ASCC3: variants seen among roughly 807,000 people sequenced by gnomAD.
The protein encoded by ASCC3 is activating signal cointegrator 1 complex subunit 3.
Under a neutral mutation model 256.3 loss-of-function variants are expected in ASCC3, and 158 were observed. The ratio of observed to expected loss-of-function variants is 0.62; its 90% CI spans 0.54 to 0.70. The LOEUF (loss-of-function observed/expected upper bound fraction) is 0.70. Ranked by LOEUF, ASCC3 falls within the 30% of genes least tolerant of loss-of-function variation. The probability of loss-of-function intolerance (pLI) is 0.00; values close to 1 mark genes in which losing one functional copy is unlikely to be tolerated. For synonymous variants in ASCC3, 948 were observed against 883.4 expected (o/e 1.07, Z -1.30); for missense variants, 2,259 against 2,626.0 (o/e 0.86, Z 3.05).
intron 25 of ASCC3, among the ~76,000 whole-genome samples, chr6:100,634,253 C>G (rs1774710334): frequency 6.6e-6 from 1 of 152,040 alleles, no homozygotes; most frequent in Admixed American, 6.6e-5. Context: ...GTGTTGGGAA[C>G]CTTCAATATC....
At chr6:100,744,724 A>G (rs1050236504) in intron 10 of ASCC3, among the ~76,000 whole-genome samples, 1 of 152,176 alleles carries the variant, frequency 6.6e-6, no homozygotes, top group Non-Finnish European at 1.5e-5. Flanking sequence ...TGATTTTTCC[A>G]AAGGGAAAAA....
intron 36 of ASCC3, among the ~76,000 whole-genome samples, chr6:100,552,160 A>C (rs1234748007): frequency 6.6e-6 from 1 of 151,624 alleles, no homozygotes; most frequent in Non-Finnish European, 1.5e-5. Context: ...AAATAATAGT[A>C]ATAATAATGA....
chr6:100,567,836 T>C (rs184862274), intron 36 of ASCC3, among the ~76,000 whole-genome samples: 2 of 152,204 alleles, frequency 1.3e-5, no homozygotes, highest in African/African-American at 4.8e-5. Context: ...TTTGCTACTG[T>C]GAGTAATGCT....
intron 20 of ASCC3, 47 bp from the exon 21 acceptor site, chr6:100,647,498 T>C: frequency 6.7e-7 from 1 of 1,502,668 alleles, no homozygotes; most frequent in Non-Finnish European, 9.3e-7. Flanking sequence ...AATGTGCTTT[T>C]AAATTTGTCA....
At chr6:100,852,859 A>T (rs1289902190) in intron 3 of ASCC3, among the ~76,000 whole-genome samples, 2 of 152,154 alleles carry the variant, frequency 1.3e-5, no homozygotes, top group Non-Finnish European at 2.9e-5. Flanking sequence ...ACTGTAATAT[A>T]TTTAAAAGGA....
intron 30 of ASCC3, among the ~76,000 whole-genome samples, chr6:100,612,272 G>A (rs1164970127): frequency 2.0e-5 from 3 of 151,772 alleles, no homozygotes; most frequent in South Asian, 2.1e-4. Context: ...TGATGACAAC[G>A]TTGGCACCAA....
intron 25 of ASCC3, among the ~76,000 whole-genome samples, chr6:100,635,470 T>A (rs1199410003): frequency 6.6e-6 from 1 of 152,142 alleles, no homozygotes; most frequent in African/African-American, 2.4e-5. Context: ...TCAACAGGTA[T>A]AAAGTTTCAT....
At chr6:100,624,493 T>G (rs1329839334) in intron 30 of ASCC3, among the ~76,000 whole-genome samples, 1 of 152,032 alleles carries the variant, frequency 6.6e-6, no homozygotes, top group Non-Finnish European at 1.5e-5. Context: ...GTAGTAAAAC[T>G]GTTACTCTCA....
chr6:100,737,142 G>A (rs1050032083), intron 10 of ASCC3, among the ~76,000 whole-genome samples: 11 of 69,448 alleles, frequency 1.6e-4, no homozygotes, highest in Non-Finnish European at 2.5e-4. Context: ...GTGAGACTCC[G>A]TCTATTTAAA....
intron 10 of ASCC3, among the ~76,000 whole-genome samples, chr6:100,738,709 TG>T (rs1780294980): frequency 6.6e-6 from 1 of 152,196 alleles, no homozygotes; most frequent in South Asian, 2.1e-4. Flanking sequence ...ACTTCTTTTT[TG>T]TTCCACATGA....
chr6:100,547,343 A>G (rs1769023062), intron 36 of ASCC3, among the ~76,000 whole-genome samples: 1 of 152,016 alleles, frequency 6.6e-6, no homozygotes, highest in South Asian at 2.1e-4. Context: ...CAGTTAAAAC[A>G]TGACCCATAC....
chr6:100,643,912 T>TAAAACATA, intron 23 of ASCC3, 119 bp downstream of exon 23: 1 of 692,338 alleles, frequency 1.4e-6, no homozygotes, highest in East Asian at 2.8e-5. Context: ...AATAGGAAAC[T>TAAAACATA]AAAACATAAA....
chr6:100,542,074 A>G (rs936735112), intron 36 of ASCC3, among the ~76,000 whole-genome samples: 3 of 152,198 alleles, frequency 2.0e-5, no homozygotes, highest in African/African-American at 7.2e-5. Flanking sequence ...AAGTGGCCTA[A>G]TGCACAGTGT....
chr6:100,725,483 A>T, intron 11 of ASCC3, 56 bp downstream of exon 11: 6 of 1,556,996 alleles, frequency 3.9e-6, no homozygotes, highest in Non-Finnish European at 5.3e-6. Context: ...GCTACATTTT[A>T]AGTTGAAAAA....
chr6:100,646,893 T>C (rs1341188700), intron 21 of ASCC3, 124 bp from the exon 22 acceptor site: 5 of 1,014,152 alleles, frequency 4.9e-6, no homozygotes, highest in Admixed American at 2.0e-5. Context: ...CTATGTAGAA[T>C]AGCTGACATT....
At chr6:100,560,836 A>G (rs1051568841) in intron 36 of ASCC3, among the ~76,000 whole-genome samples, 1 of 151,670 alleles carries the variant, frequency 6.6e-6, no homozygotes, top group Non-Finnish European at 1.5e-5. Flanking sequence ...AAATTAACCC[A>G]GTTCCTCAAT....
At chr6:100,520,641 A>C (rs933912018) in intron 37 of ASCC3, among the ~76,000 whole-genome samples, 1 of 152,176 alleles carries the variant, frequency 6.6e-6, no homozygotes, top group African/African-American at 2.4e-5. Flanking sequence ...ATAAGACTAT[A>C]CAACCATATA....
intron 36 of ASCC3, among the ~76,000 whole-genome samples, chr6:100,552,410 C>G (rs1022786027): frequency 2.0e-5 from 3 of 151,858 alleles, no homozygotes; most frequent in Non-Finnish European, 4.4e-5. Context: ...ATTCAAGTAA[C>G]CATACAATTT....
intron 11 of ASCC3, among the ~76,000 whole-genome samples, chr6:100,718,677 T>C (rs1401301116): frequency 6.6e-6 from 1 of 152,106 alleles, no homozygotes; most frequent in African/African-American, 2.4e-5. Flanking sequence ...GGAGGATCAC[T>C]TGAGCCCATA....
Sources: allele counts gnomAD v4.1 joint callset (sites outside exome capture counted in the v4.1 genomes callset), GRCh38; gene constraint gnomAD v4.1.1; transcripts MANE v1.5; gene names NCBI Gene and HGNC (gene_info 2026-07-23, HGNC 2026-07-21).